The following ARID1B variants were observed in gnomAD, a reference collection of about 807,000 sequenced individuals.
ARID1B encodes the protein AT-rich interactive domain-containing protein 1B.
In ARID1B, 30 loss-of-function variants were observed where a neutral mutation model predicts 212.3. The ratio of observed to expected loss-of-function variants is 0.14; its 90% CI spans 0.11 to 0.19. ARID1B has a LOEUF of 0.19. Among genes scored for constraint, ARID1B ranks in the 10% least tolerant of loss-of-function variants. ARID1B has a pLI of 1.00. For synonymous variants in ARID1B, 1,402 were observed against 1,301.7 expected (o/e 1.08, Z -1.66); for missense variants, 2,891 against 3,204.0 (o/e 0.90, Z 2.36).
rs1787856682 is a variant in ARID1B, at chr6:156,890,668, C to T, written c.1987-10708C>T. On this transcript the variant is annotated intron_variant, in intron 2 of 19. Transcript: ENST00000636930. ...GGTGTGGGTGGTCAGCTAGCCCATT[C>T]TGCAGTGTGGGACACTGCCTGACCC... Among the ~76,000 whole-genome samples the T allele has an allele frequency of 3.9e-5, 6 of 152,236 alleles. No homozygotes were observed. In the South Asian group the frequency reaches 6.2e-4, roughly 16 times the overall value.
intron 4 of ARID1B, among the ~76,000 whole-genome samples, chr6:156,959,337 T>C (rs1794195467): frequency 6.6e-6 from 1 of 152,224 alleles, no homozygotes; most frequent in Non-Finnish European, 1.5e-5. Context: ...GTATCATCTC[T>C]AGATTACTTA....
intron 15 of ARID1B, among the ~76,000 whole-genome samples, chr6:157,192,490 A>C (rs1793451857): frequency 6.6e-6 from 1 of 152,220 alleles, no homozygotes; most frequent in Non-Finnish European, 1.5e-5. Flanking sequence ...ACATCAGAAG[A>C]AACCCATCCT....
rs12111404 is a variant in ARID1B at position 156,901,671 on chromosome 6, T to G, written c.2136+146T>G. ...GAAAATGCATAACTGTAACCTAATC[T>G]AACTCCATCTCTCCCTCCGTCTTTT... is the stretch of plus-strand genomic sequence containing the variant. On this transcript the variant is annotated intron_variant, in intron 3 of 19. Coordinates refer to ENST00000636930, the MANE Select transcript of ARID1B (RefSeq NM_001374828.1). The G allele has an allele frequency of 0.012, 11,885 of 1,004,504 alleles. 606 individuals carry two copies. In the African/African-American group the frequency reaches 0.12, roughly 10 times the overall value. The allele number at this position is 1,004,504 out of a possible 1,614,324, so 62.2% of individuals were successfully genotyped here. A position where few individuals can be genotyped will look rare whatever the true frequency, so the allele number is the denominator to read the frequency against.
At chr6:157,122,003 T>C (rs1416920118) in intron 6 of ARID1B, among the ~76,000 whole-genome samples, 1 of 152,132 alleles carries the variant, frequency 6.6e-6, no homozygotes, top group Non-Finnish European at 1.5e-5. Context: ...CAGAACACAC[T>C]GGAAAGGTCT....
intron 4 of ARID1B, among the ~76,000 whole-genome samples, chr6:157,009,633 G>C (rs534215489): frequency 3.3e-5 from 5 of 152,322 alleles, no homozygotes; most frequent in Non-Finnish European, 7.4e-5. Context: ...CTAATATGAC[G>C]CAAAATGCTC....
chr6:156,826,354 G>C (rs902155705), intron 1 of ARID1B, among the ~76,000 whole-genome samples: 1 of 152,208 alleles, frequency 6.6e-6, no homozygotes, highest in African/African-American at 2.4e-5. Flanking sequence ...TTCTCACCTT[G>C]CCTTGGTGCT....
intron 3 of ARID1B, among the ~76,000 whole-genome samples, chr6:156,907,905 C>CA (rs1210631219): frequency 0.078 from 5,762 of 74,036 alleles, 173 homozygotes; most frequent in Non-Finnish European, 0.083. Context: ...AAGACTGTCT[C>CA]AAAAAAAAAA....
intron 4 of ARID1B, among the ~76,000 whole-genome samples, chr6:156,956,596 C>T (rs899643865): frequency 2.6e-5 from 4 of 152,116 alleles, no homozygotes; most frequent in Admixed American, 2.6e-4. Flanking sequence ...TGGATGACAG[C>T]TTCTTAGTCC....
intron 4 of ARID1B, among the ~76,000 whole-genome samples, chr6:156,950,240 A>G (rs1266429054): frequency 1.3e-5 from 2 of 152,246 alleles, no homozygotes; most frequent in African/African-American, 4.8e-5. Context: ...CTTGGTTTGC[A>G]GCAAATCTGC....
chr6:157,153,110 A>G lies in ARID1B; in HGVS notation c.3089+4159A>G, dbSNP rs545334286. Among the ~76,000 whole-genome samples, 43 of 152,356 alleles carry G rather than the reference A, an allele frequency of 2.8e-4. No individual in the cohort carries two copies. The South Asian group carries it at 8.7e-3, about 31-fold the overall frequency. On this transcript the variant is annotated intron_variant, in intron 8 of 19. Coordinates refer to ENST00000636930, the MANE Select transcript of ARID1B (RefSeq NM_001374828.1). ...TAGAGAGAAAAAACATGCAAGTTTA[A>G]CTGGTTAGAAACTGTTTTATTAATT...
intron 8 of ARID1B, among the ~76,000 whole-genome samples, chr6:157,163,809 T>C (rs139899463): frequency 0.059 from 8,935 of 152,344 alleles, 347 homozygotes; most frequent in Non-Finnish European, 0.068. Flanking sequence ...AAAGGCATGG[T>C]GCAGCAGGCT....
At chr6:156,901,146 C>T (rs1788897065) in intron 2 of ARID1B, among the ~76,000 whole-genome samples, 1 of 152,108 alleles carries the variant, frequency 6.6e-6, no homozygotes, top group Non-Finnish European at 1.5e-5. Flanking sequence ...TAGTTTCTAT[C>T]TGATAGAATA....
intron 4 of ARID1B, among the ~76,000 whole-genome samples, chr6:157,053,209 C>T (rs1782721990): frequency 6.6e-6 from 1 of 152,152 alleles, no homozygotes; most frequent in South Asian, 2.1e-4. Flanking sequence ...CCTCAGCCTC[C>T]CGAGTAGCTG....
At chr6:157,122,739 C>T (rs191705278) in intron 6 of ARID1B, among the ~76,000 whole-genome samples, 39 of 152,224 alleles carry the variant, frequency 2.6e-4, no homozygotes, top group Admixed American at 1.0e-3. Context: ...AGTACAGTGG[C>T]GTGATCTGGG....
intron 11 of ARID1B, chr6:157,175,695 A>C (rs1310887835): frequency 6.6e-6 from 1 of 152,234 alleles, no homozygotes; most frequent in Non-Finnish European, 1.5e-5. Context: ...ATAAATTATA[A>C]CAAAAATGTC....
chr6:156,832,802 T>C (rs1583125354), intron 2 of ARID1B, among the ~76,000 whole-genome samples: 1 of 152,264 alleles, frequency 6.6e-6, no homozygotes, highest in East Asian at 1.9e-4. Context: ...GTGTTTGATT[T>C]TAGTATTACC....
intron 5 of ARID1B, among the ~76,000 whole-genome samples, chr6:157,096,201 C>T (rs1298163293): frequency 6.6e-6 from 1 of 152,212 alleles, no homozygotes; most frequent in African/African-American, 2.4e-5. Flanking sequence ...CAGGGCTGCC[C>T]CAGCTGCCTG....
At chr6:157,093,399 A>C (rs1391976792) in intron 5 of ARID1B, among the ~76,000 whole-genome samples, 3 of 152,200 alleles carry the variant, frequency 2.0e-5, no homozygotes, top group Non-Finnish European at 2.9e-5. Flanking sequence ...TATAGCCGTT[A>C]AGACTCTTAC....
intron 4 of ARID1B, among the ~76,000 whole-genome samples, chr6:157,067,680 T>C (rs1438726640): frequency 6.6e-6 from 1 of 152,236 alleles, no homozygotes; most frequent in Non-Finnish European, 1.5e-5. Context: ...TTTTTCCGCA[T>C]GTGTGGTCAT....
Sources: allele counts gnomAD v4.1 joint callset (sites outside exome capture counted in the v4.1 genomes callset), GRCh38; gene constraint gnomAD v4.1.1; transcripts MANE v1.5; gene names NCBI Gene and HGNC (gene_info 2026-07-23, HGNC 2026-07-21).